The following KIAA1586 variants were observed in gnomAD, a reference collection of about 807,000 sequenced individuals.
KIAA1586 encodes KIAA1586.
A neutral mutation model predicts 6.1 loss-of-function variants in KIAA1586; 5 were observed. That is an observed-to-expected ratio of 0.82 (90% CI 0.43 to 1.73). The LOEUF (loss-of-function observed/expected upper bound fraction) is 1.73, where lower values mean the gene tolerates loss of function less well. Among genes scored for constraint, KIAA1586 ranks in the 40% most tolerant of loss-of-function variants. The probability of loss-of-function intolerance (pLI) is 0.02; values close to 1 mark genes in which losing one functional copy is unlikely to be tolerated. For synonymous variants in KIAA1586, 280 were observed against 301.7 expected (o/e 0.93, Z 0.75); for missense variants, 899 against 878.2 (o/e 1.02, Z -0.30).
chr6:57,050,846 T>C lies in KIAA1586; in HGVS notation c.178T>C (p.Tyr60His). 6.2e-7 allele frequency: 1 copy of C among 1,605,376 alleles called. No homozygotes were observed. The highest frequency in any genetic ancestry group is 8.5e-7 in the Non-Finnish European group (1 of 1,172,124). The change falls in exon 3 of 4, where the codon TAT becomes CAT. Residue 60 changes from tyrosine to histidine, a missense_variant. Coordinates refer to ENST00000370733, the MANE Select transcript of KIAA1586 (RefSeq NM_020931.4). ...TGATGATGAAAACCCTAGCGCCTAT[T>C]ATAGTGATGTAAGCACATTATATTT... ...CGDDENPSAY[Y>H]SDILFPKMPK...
the KIAA1586 span, among the ~76,000 whole-genome samples, chr6:57,066,557 C>T: frequency 1.3e-5 from 2 of 152,060 alleles, no homozygotes; most frequent in Non-Finnish European, 2.9e-5. Flanking sequence ...CCTTGGTTTT[C>T]CTGGCTGATA....
chr6:57,066,396 G>C, the KIAA1586 span, among the ~76,000 whole-genome samples: 1 of 152,036 alleles, frequency 6.6e-6, no homozygotes, highest in African/African-American at 2.4e-5. Flanking sequence ...GAAAATAATA[G>C]TTTTATTAAA....
chr6:57,061,460 A>G, the KIAA1586 span, among the ~76,000 whole-genome samples: 4 of 151,328 alleles, frequency 2.6e-5, no homozygotes, highest in East Asian at 7.9e-4. Flanking sequence ...TGGCACAGTC[A>G]TGGCTCACTG....
chr6:57,062,028 C>T, the KIAA1586 span, among the ~76,000 whole-genome samples: 24 of 151,666 alleles, frequency 1.6e-4, no homozygotes, highest in Non-Finnish European at 3.1e-4. Context: ...ACCACCTGGG[C>T]TCAAGAGATC....
chr6:57,049,044 A>G (rs969222519), intron 2 of KIAA1586, among the ~76,000 whole-genome samples: 5 of 151,810 alleles, frequency 3.3e-5, no homozygotes, highest in Admixed American at 2.0e-4. Flanking sequence ...TATTTTGTAT[A>G]TCCAGCGTGA....
At chr6:57,048,274 G>A (rs12190416) in intron 2 of KIAA1586, among the ~76,000 whole-genome samples, 107,782 of 152,056 alleles carry the variant, frequency 0.71, 39,153 homozygotes, top group South Asian at 0.87. Flanking sequence ...TCAGGCTGTA[G>A]AATTTTTCTT....
At chr6:57,065,043 G>A in the KIAA1586 span, among the ~76,000 whole-genome samples, 1 of 152,092 alleles carries the variant, frequency 6.6e-6, no homozygotes, top group African/African-American at 2.4e-5. Flanking sequence ...AGATTTTTGG[G>A]TTGAAGATTT....
intron 3 of KIAA1586, 125 bp downstream of exon 3, chr6:57,050,979 C>A: frequency 3.0e-6 from 2 of 665,298 alleles, no homozygotes; most frequent in East Asian, 3.2e-5. Context: ...CTTGTAATCC[C>A]AGCACTTTGG....
Position 57,052,828 on chromosome 6 carries a change from A to T in KIAA1586, c.329A>T (p.Tyr110Phe), listed in dbSNP as rs747362080. ...LSKAKEPHFE[Y>F]IEQPIIEEKP... ...AAGGCAAAGGAACCACATTTCGAGTATATTGAACAACCAATCATTGAAGAA... is the reference window on the plus strand; with the variant it reads ...AAGGCAAAGGAACCACATTTCGAGTTTATTGAACAACCAATCATTGAAGAA... Residue 110 changes from tyrosine (Y) to phenylalanine (F), a missense_variant, in exon 4 of 4, where the codon TAT (tyrosine) becomes TTT (phenylalanine). By Grantham distance (22) the Tyr-to-Phe change is conservative. Transcript: ENST00000370733. The T allele has an allele frequency of 1.2e-6, 2 of 1,613,754 alleles. No homozygotes were observed. Among genetic ancestry groups the T allele is most frequent in the Non-Finnish European group, 1.7e-6 (2 of 1,179,780 alleles).
chr6:57,058,088 C>T (rs2127914697), downstream of KIAA1586, among the ~76,000 whole-genome samples: 1 of 152,156 alleles, frequency 6.6e-6, no homozygotes, highest in African/African-American at 2.4e-5. Context: ...AGCCACCGCG[C>T]CCATCTCATG....
rs761155601 is a variant in KIAA1586, at chr6:57,053,373, G to A, written c.874G>A (p.Ala292Thr). The change falls in exon 4 of 4, where the codon GCA (alanine) becomes ACA (threonine). Residue 292 changes from alanine to threonine, a missense_variant. Physicochemically the swap from Ala to Thr is moderately conservative, Grantham distance 58. Transcript: ENST00000370733. ...LNTRYSATRI[A>T]EHIAKEMKMK... Reference sequence around the variant, plus strand: ...TACACGTTACAGTGCAACAAGAATAGCAGAACATATTGCAAAAGAAATGAA... The same window carrying A: ...TACACGTTACAGTGCAACAAGAATAACAGAACATATTGCAAAAGAAATGAA... 6.2e-7 allele frequency: 1 copy of A among 1,610,684 alleles called. No homozygotes were observed. Among genetic ancestry groups the A allele is most frequent in the Non-Finnish European group, 8.5e-7 (1 of 1,178,690 alleles).
chr6:57,061,891 A>T, the KIAA1586 span, among the ~76,000 whole-genome samples: 1 of 151,898 alleles, frequency 6.6e-6, no homozygotes, highest in East Asian at 1.9e-4. Flanking sequence ...TCTTTTTATT[A>T]ATTATAGCTC....
In KIAA1586 at chr6:57,046,905, C is replaced by T; in HGVS notation, c.21+129C>T. The T allele has an allele frequency of 3.8e-6, 5 of 1,302,464 alleles. No homozygotes were observed. In the East Asian group the frequency reaches 1.1e-4, roughly 27 times the overall value. 80.7% of individuals were successfully genotyped at this position (1,302,464 alleles called of 1,614,324 possible). ...TACCTCTTCAGTGTCTTGGGCCGAG[C>T]CCAGCTCTGGGGCCTGGTGCGTGTC... On this transcript the variant is annotated intron_variant, in intron 1 of 3. Coordinates refer to ENST00000370733, the MANE Select transcript of KIAA1586 (RefSeq NM_020931.4).
In KIAA1586 at chr6:57,053,840, TTATTC is replaced by T; in HGVS notation, c.1346_1350del (p.Ser449LeufsTer5). 3 of 1,500,706 alleles carry T rather than the reference TTATTC, an allele frequency of 2.0e-6. No homozygotes were observed. The highest frequency in any genetic ancestry group is 2.7e-6 in the Non-Finnish European group (3 of 1,113,240). The allele number at this position is 1,500,706 out of a possible 1,614,324, so 93.0% of individuals were successfully genotyped here. A position where few individuals can be genotyped will look rare whatever the true frequency, so the allele number is the denominator to read the frequency against. The stretch of plus-strand genomic sequence containing the variant: ...ATTTAAAAATATTTATTGATAAAAT[TTATTC>T]TATTTATCATCAACCTAATAAAAAT... On this transcript the variant is annotated frameshift_variant, in exon 4 of 4. Transcript: ENST00000370733. LOFTEE classifies it low-confidence loss of function (END_TRUNC).
In KIAA1586 at chr6:57,054,677, A is replaced by G; in HGVS notation, c.2178A>G (p.Thr726=). 1 of 1,555,974 alleles carries G rather than the reference A, an allele frequency of 6.4e-7. No individual in the cohort carries two copies. The highest frequency in any genetic ancestry group is 2.4e-5 in the East Asian group (1 of 41,382). ...GTACAAGGGTGAGAAATAGTTTAAC[A>G]ATAGATCATGTATCAGATTTAATGA... ...IICTRVRNSL[T]IDHVSDLMTI... is the part of the protein sequence containing the mutation. The change falls in exon 4 of 4, where the codon ACA becomes ACG. Residue 726 remains threonine (T), a synonymous_variant. Transcript: ENST00000370733.
chr6:57,050,367 G>C (rs1244423937), intron 2 of KIAA1586, among the ~76,000 whole-genome samples: 1 of 149,862 alleles, frequency 6.7e-6, no homozygotes, highest in Non-Finnish European at 1.5e-5. Context: ...ATCTAGGCTA[G>C]AGTGTAATGG....
Position 57,052,709 on chromosome 6 carries a change from AC to A in KIAA1586, c.211del (p.Arg71AspfsTer9), listed in dbSNP as rs1253958661. Reference protein sequence around the residue: ...SDILFPKMPKRQGDFLHFLNV... With the variant: ...SDILFPKMPKXQGDFLHFLNV... ...AGATTCTGTTTCCTAAAATGCCAAA[AC>A]GACAGGGTGATTTTTTGCATTTTTT... On this transcript the variant is annotated frameshift_variant, in exon 4 of 4. Coordinates refer to ENST00000370733, the MANE Select transcript of KIAA1586 (RefSeq NM_020931.4). LOFTEE classifies it low-confidence loss of function (END_TRUNC). 2 of 1,566,222 alleles carry A rather than the reference AC, an allele frequency of 1.3e-6. No individual in the cohort carries two copies. The highest frequency in any genetic ancestry group is 1.7e-6 in the Non-Finnish European group (2 of 1,159,048).
rs1158941483 is a variant in KIAA1586 at position 57,054,716 on chromosome 6, G to A, written c.2217G>A (p.Leu739=). 1 of 1,551,458 alleles carries A rather than the reference G, an allele frequency of 6.4e-7. No individual in the cohort carries two copies. Among genetic ancestry groups the A allele is most frequent in the South Asian group, 1.2e-5 (1 of 84,094 alleles). Residue 739 remains leucine (L), a synonymous_variant, in exon 4 of 4, where the codon CTG becomes CTA. Transcript: ENST00000370733. ...HVSDLMTINL[L]GKELADWDAT... Reference sequence around the variant, plus strand: ...CAGATTTAATGACAATAAATTTACTGGGGAAAGAATTAGCAGATTGGGATG... The same window carrying A: ...CAGATTTAATGACAATAAATTTACTAGGGAAAGAATTAGCAGATTGGGATG...
the KIAA1586 span, among the ~76,000 whole-genome samples, chr6:57,063,212 A>G: frequency 6.6e-6 from 1 of 152,196 alleles, no homozygotes; most frequent in Non-Finnish European, 1.5e-5. Context: ...GAGGTAAAGC[A>G]GACTTGGGAA....
Sources: gnomAD v4.1 joint callset for allele counts (sites outside exome capture counted in the v4.1 genomes callset) on GRCh38, gnomAD v4.1.1 for gene constraint, MANE v1.5 for transcripts, NCBI Gene and HGNC (gene_info 2026-07-23, HGNC 2026-07-21) for gene names.